Variants in EVA1A observed in about 807,000 individuals in gnomAD.
EVA1A encodes eva-1 homolog A, regulator of programmed cell death.
A neutral mutation model predicts 9.8 loss-of-function variants in EVA1A; 7 were observed. The observed-to-expected ratio is 0.71, with a 90% CI of 0.41 to 1.34. The LOEUF is 1.34. Among genes scored for constraint, EVA1A ranks in the 40% most tolerant of loss-of-function variants. The probability of loss-of-function intolerance (pLI) is 0.01; values close to 1 mark genes in which losing one functional copy is unlikely to be tolerated. For missense variants in EVA1A, 206 were observed against 205.9 expected, an observed-to-expected ratio of 1.00 and a Z score of 0.00; for synonymous variants, 90 against 85.6, an observed-to-expected ratio of 1.05 and a Z score of -0.28.
At chr2:75,559,699 G>GC (rs1196524061) in intron 1 of EVA1A, among the ~76,000 whole-genome samples, 3 of 122,136 alleles carry the variant, frequency 2.5e-5, no homozygotes, top group Non-Finnish European at 3.4e-5. Flanking sequence ...AAAGGAGGTG[G>GC]GGGGGGGGCG....
intron 3 of EVA1A, among the ~76,000 whole-genome samples, chr2:75,517,584 GTCT>G (rs1675058762): frequency 6.6e-6 from 1 of 152,144 alleles, no homozygotes. Flanking sequence ...CATGCCTTCT[GTCT>G]TCATCTCATC....
At position 75,509,441 on chromosome 2, in the gene EVA1A, T is replaced by A. The variant is rs1238539777; in HGVS notation, c.85+8615A>T. Among the ~76,000 whole-genome samples the A allele has an allele frequency of 6.6e-5, 10 of 152,160 alleles. 1 individual carries two copies. On this transcript the variant is annotated intron_variant, in intron 3 of 3. Transcript: ENST00000393913. Reference sequence around the variant, plus strand: ...CCAATACCCTCTCATGTTATTAAAATTTTTTATTTTGAGGGAGCACTTCTA... The same window carrying A: ...CCAATACCCTCTCATGTTATTAAAAATTTTTATTTTGAGGGAGCACTTCTA...
In EVA1A at chr2:75,493,085, G is replaced by A; in HGVS notation, c.*151C>T. On this transcript the variant is annotated 3_prime_UTR_variant, in exon 4 of 4. Coordinates refer to ENST00000393913, the MANE Select transcript of EVA1A (RefSeq NM_001135032.2). ...TCTCCATACATTTGGCCAAAAAGGA[G>A]CAATCCTCCTGGCTAGAAAAGGGGC... 8.6e-7 allele frequency: 1 copy of A among 1,163,276 alleles called. No individual in the cohort carries two copies. The allele number at this position is 1,163,276 out of a possible 1,614,324, so 72.1% of individuals were successfully genotyped here.
chr2:75,549,648 T>C (rs190756883), intron 1 of EVA1A, among the ~76,000 whole-genome samples: 81 of 152,336 alleles, frequency 5.3e-4, no homozygotes, highest in African/African-American at 1.9e-3. Context: ...AATGTGACTC[T>C]TGAATGATGT....
At chr2:75,500,069 C>T (rs1013828159) in intron 3 of EVA1A, among the ~76,000 whole-genome samples, 8 of 152,196 alleles carry the variant, frequency 5.3e-5, no homozygotes, top group African/African-American at 1.9e-4. Context: ...AAGTCAAACC[C>T]TTCCCCCACC....
At chr2:75,526,246 T>C (rs377503396) in intron 1 of EVA1A, 1 of 152,116 alleles carries the variant, frequency 6.6e-6, no homozygotes, top group Non-Finnish European at 1.5e-5. Flanking sequence ...AAGTGGACAG[T>C]TGGGAAAAGA....
At chr2:75,511,085 G>A (rs1001840227) in intron 3 of EVA1A, among the ~76,000 whole-genome samples, 5 of 152,180 alleles carry the variant, frequency 3.3e-5, no homozygotes, top group Non-Finnish European at 2.9e-5. Context: ...CTCTGATCTA[G>A]AGAAGCAGAA....
intron 3 of EVA1A, among the ~76,000 whole-genome samples, chr2:75,495,270 T>A (rs749895322): frequency 6.6e-6 from 1 of 152,142 alleles, no homozygotes; most frequent in African/African-American, 2.4e-5. Flanking sequence ...AATAAAACAA[T>A]GGGCTGTTAA....
chr2:75,565,339 T>C (rs1033160122), upstream of EVA1A, among the ~76,000 whole-genome samples: 7 of 152,184 alleles, frequency 4.6e-5, no homozygotes, highest in Non-Finnish European at 8.8e-5. Context: ...GCCACTTCTA[T>C]AGGAAATGCA....
chr2:75,564,660 A>G (rs12328534), upstream of EVA1A, among the ~76,000 whole-genome samples: 388 of 152,312 alleles, frequency 2.5e-3, 5 homozygotes, highest in African/African-American at 8.9e-3. Context: ...TGTCGTGATG[A>G]CAAGATTTGA....
chr2:75,506,554 G>A (rs1674626813), intron 3 of EVA1A, among the ~76,000 whole-genome samples: 1 of 152,304 alleles, frequency 6.6e-6, no homozygotes, highest in South Asian at 2.1e-4. Flanking sequence ...GAAACCTTTT[G>A]CAGATTAACT....
chr2:75,548,901 C>T (rs1457620786), intron 1 of EVA1A, among the ~76,000 whole-genome samples: 1 of 151,342 alleles, frequency 6.6e-6, no homozygotes, highest in Non-Finnish European at 1.5e-5. Context: ...TCAGAATCAC[C>T]ATCACTTTAC....
chr2:75,566,688 CTT>C (rs536401088), intron 1 of EVA1A, among the ~76,000 whole-genome samples: 79 of 152,338 alleles, frequency 5.2e-4, no homozygotes, highest in African/African-American at 1.8e-3. Flanking sequence ...GGATCAAACA[CTT>C]TGTCTTGCTT....
In EVA1A at chr2:75,493,615, G is replaced by A; in HGVS notation, c.86-6C>T. The A allele has an allele frequency of 6.4e-7, 1 of 1,567,028 alleles. No individual in the cohort carries two copies. The highest frequency in any genetic ancestry group is 2.3e-5 in the East Asian group (1 of 44,344). ...AGCTGCTCGCTCAGGATTTTCTGGAGGAAGAAGAGGAAGAAGCAAGCATTT... is the reference window on the plus strand; with the variant it reads ...AGCTGCTCGCTCAGGATTTTCTGGAAGAAGAAGAGGAAGAAGCAAGCATTT... On this transcript the variant is annotated splice_polypyrimidine_tract_variant and splice_region_variant and intron_variant, in intron 3 of 3. Transcript: ENST00000393913.
chr2:75,510,700 G>A (rs2103820466), intron 3 of EVA1A, among the ~76,000 whole-genome samples: 1 of 152,222 alleles, frequency 6.6e-6, no homozygotes, highest in Middle Eastern at 3.4e-3. Flanking sequence ...AAAGACAAGT[G>A]ATAAATTAAG....
At chr2:75,565,000 T>C (rs1243111926), upstream of EVA1A, among the ~76,000 whole-genome samples, 1 of 152,180 alleles carries the variant, frequency 6.6e-6, no homozygotes, top group Admixed American at 6.5e-5. Flanking sequence ...TACCCAAAAA[T>C]GATGAGCTGC....
chr2:75,493,163 C>T lies in EVA1A; in HGVS notation c.*73G>A. ...ATATTAGCAGAGCTGGGTTCAGTTC[C>T]TTGTGCCCACTGTCCCTGCAGACGC... On this transcript the variant is annotated 3_prime_UTR_variant, in exon 4 of 4. Transcript: ENST00000393913. The T allele has an allele frequency of 6.5e-7, 1 of 1,529,014 alleles. No individual in the cohort carries two copies. The highest frequency in any genetic ancestry group is 8.8e-7 in the Non-Finnish European group (1 of 1,138,126). The allele number at this position is 1,529,014 out of a possible 1,614,324, so 94.7% of individuals were successfully genotyped here.
At chr2:75,533,167 A>G (rs1350513846) in intron 1 of EVA1A, among the ~76,000 whole-genome samples, 9 of 151,822 alleles carry the variant, frequency 5.9e-5, no homozygotes, top group Non-Finnish European at 1.2e-4. Context: ...AAAAAAGAAA[A>G]AAGAAAGAAG....
At chr2:75,540,362 G>C (rs998890237) in intron 1 of EVA1A, among the ~76,000 whole-genome samples, 1 of 152,198 alleles carries the variant, frequency 6.6e-6, no homozygotes, top group African/African-American at 2.4e-5. Flanking sequence ...AGCACAAGCT[G>C]GGGCTCATTC....
Sources: gnomAD v4.1 joint callset for allele counts (sites outside exome capture counted in the v4.1 genomes callset) on GRCh38, gnomAD v4.1.1 for gene constraint, MANE v1.5 for transcripts, NCBI Gene and HGNC (gene_info 2026-07-23, HGNC 2026-07-21) for gene names.